TBC1D5: variants seen among roughly 807,000 people sequenced by gnomAD.
TBC1D5 encodes TBC1 domain family, member 5.
A neutral mutation model predicts 100.3 loss-of-function variants in TBC1D5; 75 were observed. The ratio of observed to expected loss-of-function variants is 0.75; its 90% CI spans 0.62 to 0.91. The LOEUF is 0.91. Among genes scored for constraint, TBC1D5 ranks in the 40% least tolerant of loss-of-function variants. The pLI is 0.00. For synonymous variants in TBC1D5, 323 were observed against 325.6 expected (o/e 0.99, Z 0.09); for missense variants, 910 against 942.4 (o/e 0.97, Z 0.45).
chr3:17,712,119 T>G (rs1484406696), intron 1 of TBC1D5, among the ~76,000 whole-genome samples: 2 of 152,012 alleles, frequency 1.3e-5, no homozygotes, highest in African/African-American at 4.8e-5. Context: ...AAGCACCTCA[T>G]AGGAAACTGT....
intron 3 of TBC1D5, among the ~76,000 whole-genome samples, chr3:17,451,951 A>G (rs952612721): frequency 7.9e-5 from 12 of 152,132 alleles, no homozygotes; most frequent in Non-Finnish European, 1.5e-4. Context: ...AGAAGGTTAT[A>G]GAACACCAAG....
intron 2 of TBC1D5, among the ~76,000 whole-genome samples, chr3:17,521,366 T>C (rs1428750835): frequency 6.6e-6 from 1 of 152,244 alleles, no homozygotes; most frequent in South Asian, 2.1e-4. Context: ...GCTAAATGAA[T>C]AGTAAATATA....
chr3:17,315,133 A>G (rs2150756967), intron 13 of TBC1D5, among the ~76,000 whole-genome samples: 1 of 152,156 alleles, frequency 6.6e-6, no homozygotes, highest in South Asian at 2.1e-4. Flanking sequence ...TTCTCAGCCT[A>G]CTCTTGAGTG....
chr3:17,675,610 T>C (rs1386374202), intron 1 of TBC1D5, among the ~76,000 whole-genome samples: 1 of 152,140 alleles, frequency 6.6e-6, no homozygotes, highest in African/African-American at 2.4e-5. Context: ...ACAGTTTAAA[T>C]TAAAGCAATT....
intron 3 of TBC1D5, among the ~76,000 whole-genome samples, chr3:17,455,245 A>T (rs1406573704): frequency 7.8e-6 from 1 of 128,858 alleles, no homozygotes; most frequent in African/African-American, 3.5e-5. Flanking sequence ...TACATATATT[A>T]TTGTATATAT....
Position 17,167,829 on chromosome 3 carries a change from C to G in TBC1D5, c.1853-1G>C. On this transcript the variant is annotated splice_acceptor_variant, in intron 19 of 21. Coordinates refer to ENST00000253692, the Ensembl canonical transcript of TBC1D5. LOFTEE classifies it high-confidence loss of function. ...TGTAATATCACATCTTGAATATTTA[C>G]TGAAAATAGAAGAATGACATTTTAT... is the stretch of plus-strand genomic sequence containing the variant. The G allele has an allele frequency of 1.9e-6, 3 of 1,587,236 alleles. No homozygotes were observed. The highest frequency in any genetic ancestry group is 2.6e-6 in the Non-Finnish European group (3 of 1,159,780).
At chr3:17,413,163 T>C (rs768992407) in intron 4 of TBC1D5, among the ~76,000 whole-genome samples, 3 of 152,138 alleles carry the variant, frequency 2.0e-5, no homozygotes, top group Admixed American at 6.6e-5. Context: ...ACTTGGTCCC[T>C]GAAAACAATC....
chr3:17,711,293 T>C (rs2074711732), intron 1 of TBC1D5, among the ~76,000 whole-genome samples: 2 of 152,214 alleles, frequency 1.3e-5, no homozygotes, highest in South Asian at 2.1e-4. Flanking sequence ...GTTTTTAACT[T>C]TGCATTATGA....
intron 18 of TBC1D5, among the ~76,000 whole-genome samples, chr3:17,203,516 C>T (rs1375169652): frequency 6.6e-6 from 1 of 152,148 alleles, no homozygotes; most frequent in African/African-American, 2.4e-5. Flanking sequence ...GAGCCAGGTA[C>T]AGGATAATAT....
At chr3:17,424,032 T>C (rs2094280972) in intron 4 of TBC1D5, among the ~76,000 whole-genome samples, 1 of 149,848 alleles carries the variant, frequency 6.7e-6, no homozygotes, top group Non-Finnish European at 1.5e-5. Context: ...TATGACATTA[T>C]ACTTTAAAAA....
At chr3:17,738,261 C>A (rs537769759) in intron 1 of TBC1D5, among the ~76,000 whole-genome samples, 1 of 152,182 alleles carries the variant, frequency 6.6e-6, no homozygotes. Flanking sequence ...ATAAACTGTA[C>A]AATCTCCAAA....
chr3:17,221,157 CT>C (rs761730081), intron 17 of TBC1D5, among the ~76,000 whole-genome samples: 38 of 151,934 alleles, frequency 2.5e-4, no homozygotes, highest in Admixed American at 1.6e-3. Flanking sequence ...TTCCCAGAGT[CT>C]ATGAATTTGT....
chr3:17,272,250 T>C (rs2079506947), intron 15 of TBC1D5, among the ~76,000 whole-genome samples: 1 of 152,200 alleles, frequency 6.6e-6, no homozygotes, highest in Admixed American at 6.5e-5. Context: ...GTTATACAAG[T>C]ATATAAAAAG....
rs564148875 is a variant in TBC1D5 at position 17,734,017 on chromosome 3, T to A, written c.-101+5326A>T. 1.2e-3 allele frequency among the ~76,000 whole-genome samples: 181 copies of A among 151,790 alleles called. 1 individual carries two copies. Among genetic ancestry groups the A allele is most frequent in the African/African-American group, 4.0e-3 (166 of 41,368 alleles). On this transcript the variant is annotated intron_variant, in intron 1 of 21. Coordinates refer to ENST00000253692, the Ensembl canonical transcript of TBC1D5. ...TGCAAGACCCTGCCTCAAAAAAAAA[T>A]GAAAAGTAAAGATGGGCAGATCTTT...
At chr3:17,262,531 G>A (rs2078413261) in intron 15 of TBC1D5, among the ~76,000 whole-genome samples, 1 of 148,370 alleles carries the variant, frequency 6.7e-6, no homozygotes, top group East Asian at 2.0e-4. Context: ...GCCCAGGTTG[G>A]AGTGCAGTGG....
At chr3:17,591,267 C>CAAAAA (rs370530999) in intron 2 of TBC1D5, among the ~76,000 whole-genome samples, 4 of 78,354 alleles carry the variant, frequency 5.1e-5, no homozygotes, top group Non-Finnish European at 9.4e-5. Flanking sequence ...AAAAAAAAAA[C>CAAAAA]AAAAACCCCA....
intron 3 of TBC1D5, among the ~76,000 whole-genome samples, chr3:17,468,667 C>T (rs527533249): frequency 2.2e-4 from 34 of 152,214 alleles, no homozygotes; most frequent in South Asian, 1.2e-3. Flanking sequence ...AAGGCCTAAT[C>T]CTCAATAATC....
At chr3:17,635,579 G>T (rs79692037) in intron 1 of TBC1D5, among the ~76,000 whole-genome samples, 1,742 of 152,106 alleles carry the variant, frequency 0.011, 28 homozygotes, top group African/African-American at 0.039. Flanking sequence ...ACTTGAGAGG[G>T]TGAGGCAGGA....
chr3:17,620,574 G>A (rs993481932), intron 2 of TBC1D5, among the ~76,000 whole-genome samples: 3 of 152,046 alleles, frequency 2.0e-5, no homozygotes, highest in Non-Finnish European at 2.9e-5. Flanking sequence ...TACTTTTTAG[G>A]TAAAAACAAG....
Sources: gnomAD v4.1 joint callset for allele counts (sites outside exome capture counted in the v4.1 genomes callset) on GRCh38, gnomAD v4.1.1 for gene constraint, MANE v1.5 for transcripts, NCBI Gene and HGNC (gene_info 2026-07-23, HGNC 2026-07-21) for gene names.